Variants in ANHX observed in about 807,000 individuals in gnomAD.
ANHX encodes the protein anomalous homeobox protein.
ANHX carries 20 observed loss-of-function variants against 38.9 expected under a neutral mutation model. The observed-to-expected ratio is 0.51, with a 90% CI of 0.36 to 0.75. ANHX has a LOEUF of 0.75. Among genes scored for constraint, ANHX ranks in the 30% least tolerant of loss-of-function variants. The pLI, the probability that ANHX is intolerant of heterozygous loss-of-function variation, is 0.00. For synonymous variants in ANHX, 185 were observed against 203.1 expected (o/e 0.91, Z 0.76); for missense variants, 475 against 493.1 (o/e 0.96, Z 0.35).
chr12:133,227,201 CAG>C (rs1181875879), intron 4 of ANHX, 49 bp from the exon 5 acceptor site: 1 of 1,501,464 alleles, frequency 6.7e-7, no homozygotes, highest in Non-Finnish European at 8.9e-7. Context: ...TCCCTGAGGA[CAG>C]GGGGTGTGCA....
At chr12:133,223,290 A>G (rs1957137913) in intron 7 of ANHX, among the ~76,000 whole-genome samples, 1 of 152,152 alleles carries the variant, frequency 6.6e-6, no homozygotes, top group East Asian at 1.9e-4. Context: ...ACAAGATAAA[A>G]GGTAAGTTCT....
rs533562641 is a variant in ANHX at position 133,222,976 on chromosome 12, A to C, written c.1133-1624T>G. ...GAGGCCGAGGCAGGTGGATTACTTG[A>C]GATCAGGAGTTCGAGACCAGCCTGA... On this transcript the variant is annotated intron_variant, in intron 7 of 9. Transcript: ENST00000545940. Among the ~76,000 whole-genome samples the C allele has an allele frequency of 7.2e-5, 11 of 152,282 alleles. 1 individual carries two copies. Among genetic ancestry groups the C allele is most frequent in the African/African-American group, 2.6e-4 (11 of 41,560 alleles).
intron 2 of ANHX, among the ~76,000 whole-genome samples, chr12:133,232,190 A>T (rs192054733): frequency 5.7e-4 from 87 of 152,314 alleles, no homozygotes; most frequent in Middle Eastern, 6.8e-3. Context: ...ATCTAAGGTG[A>T]GGGGGATGAA....
Position 133,234,270 on chromosome 12 carries a change from GCA to G in ANHX, c.85_86del (p.Cys29ProfsTer6). On this transcript the variant is annotated frameshift_variant, in exon 2 of 10. Transcript: ENST00000545940. LOFTEE classifies it high-confidence loss of function. ...AELVTLAGRL[C>X]RDFQDDLAQL... ...GGGCAAGGTCATCCTGGAAGTCCCGGCACAGTCTGCCCGCAAGGGTCACCAGC... is the reference window on the plus strand; with the variant it reads ...GGGCAAGGTCATCCTGGAAGTCCCGGCAGTCTGCCCGCAAGGGTCACCAGC... 1 of 1,536,172 alleles carries G rather than the reference GCA, an allele frequency of 6.5e-7. No individual in the cohort carries two copies. The highest frequency in any genetic ancestry group is 8.7e-7 in the Non-Finnish European group (1 of 1,146,914).
chr12:133,226,537 T>A, intron 5 of ANHX, 99 bp from the exon 6 acceptor site: 2 of 1,421,732 alleles, frequency 1.4e-6, no homozygotes, highest in Non-Finnish European at 1.8e-6. Context: ...AAAAGGCTGT[T>A]GCCATGGGGC....
chr12:133,221,117 C>A lies in ANHX; in HGVS notation c.1280+88G>T. ...AAGGAGAGGACCCTATCTGCACAGT[C>A]CGGGACGGTGAGTCTATAAACTGGG... On this transcript the variant is annotated intron_variant, in intron 8 of 9. Coordinates refer to ENST00000545940, the MANE Select transcript of ANHX (RefSeq NM_001372060.1). The surrounding 1 kb of genome is among the most constrained non-coding windows in gnomAD (Gnocchi z 4.1). The A allele has an allele frequency of 6.8e-7, 1 of 1,471,102 alleles. No homozygotes were observed. Among genetic ancestry groups the A allele is most frequent in the Non-Finnish European group, 9.1e-7 (1 of 1,104,368 alleles). 91.1% of individuals were successfully genotyped at this position (1,471,102 alleles called of 1,614,324 possible).
chr12:133,226,025 G>A (rs1168758374), intron 6 of ANHX, among the ~76,000 whole-genome samples, 197 bp from the exon 7 acceptor site: 1 of 152,234 alleles, frequency 6.6e-6, no homozygotes, highest in East Asian at 1.9e-4. Flanking sequence ...TTGTCTTTAG[G>A]TGGCAGGGCT....
chr12:133,224,696 T>C (rs1380203568), intron 7 of ANHX, among the ~76,000 whole-genome samples: 3 of 140,256 alleles, frequency 2.1e-5, no homozygotes, highest in Non-Finnish European at 4.5e-5. Context: ...CTGGGCGTGG[T>C]GGCTCACGCC....
At chr12:133,234,016 C>T in intron 2 of ANHX, 92 bp downstream of exon 2, 1 of 1,463,376 alleles carries the variant, frequency 6.8e-7, no homozygotes, top group Non-Finnish European at 9.0e-7. Flanking sequence ...CCTACTAACT[C>T]CTGGGTACTG....
intron 7 of ANHX, among the ~76,000 whole-genome samples, chr12:133,222,547 C>G (rs147147384): frequency 2.7e-3 from 415 of 152,270 alleles, no homozygotes; most frequent in African/African-American, 9.2e-3. Flanking sequence ...TGTGAAGACA[C>G]CCATTGACCG....
rs150417765 is a variant in ANHX at position 133,234,246 on chromosome 12, G to A, written c.111C>T (p.Ala37=). 1 of 1,536,184 alleles carries A rather than the reference G, an allele frequency of 6.5e-7. No homozygotes were observed. Among genetic ancestry groups the A allele is most frequent in the African/African-American group, 1.4e-5 (1 of 73,180 alleles). The change falls in exon 2 of 10, where the codon GCC becomes GCT. Residue 37 remains alanine (A), a synonymous_variant. Transcript: ENST00000545940. ...RLCRDFQDDL[A]QLQPLVTAIL... Reference sequence around the variant, plus strand: ...TGGCTGTGACCAAAGGCTGCAGTTGGGCAAGGTCATCCTGGAAGTCCCGGC... The same window carrying A: ...TGGCTGTGACCAAAGGCTGCAGTTGAGCAAGGTCATCCTGGAAGTCCCGGC...
chr12:133,232,766 C>G (rs551740566), intron 2 of ANHX, among the ~76,000 whole-genome samples: 2 of 152,330 alleles, frequency 1.3e-5, no homozygotes, highest in East Asian at 3.9e-4. Context: ...TCTGCACTCT[C>G]TCGTTTGTTT....
intron 3 of ANHX, among the ~76,000 whole-genome samples, chr12:133,228,528 G>A (rs544615942): frequency 2.0e-5 from 3 of 152,164 alleles, no homozygotes; most frequent in South Asian, 4.1e-4. Flanking sequence ...TTCTCCCTTC[G>A]TCTCTCACCC....
chr12:133,220,257 G>A (rs997700871), intron 8 of ANHX, among the ~76,000 whole-genome samples: 2 of 152,174 alleles, frequency 1.3e-5, no homozygotes, highest in Non-Finnish European at 2.9e-5. Context: ...GATGTTTTCA[G>A]GTTGAAGCAT....
chr12:133,229,486 C>T (rs1014728385), intron 3 of ANHX, among the ~76,000 whole-genome samples: 3 of 152,118 alleles, frequency 2.0e-5, no homozygotes, highest in Non-Finnish European at 4.4e-5. Flanking sequence ...CCCACATAGG[C>T]CAAGAGCCCT....
rs1451204061 is a variant in ANHX, at chr12:133,224,928, C to G, written c.1132+608G>C. Among the ~76,000 whole-genome samples the G allele has an allele frequency of 2.7e-5, 4 of 147,324 alleles. No homozygotes were observed. In the South Asian group the frequency reaches 8.6e-4, roughly 32 times the overall value. ...GTTGCAGTGAGCCGAGATCACGCCA[C>G]TGCACTCCAGCCTGGGTGAGCAAGA... On this transcript the variant is annotated intron_variant, in intron 7 of 9. Transcript: ENST00000545940.
At chr12:133,224,309 G>A (rs1436079958) in intron 7 of ANHX, among the ~76,000 whole-genome samples, 1 of 152,072 alleles carries the variant, frequency 6.6e-6, no homozygotes, top group Admixed American at 6.6e-5. Flanking sequence ...GCATGGAGAA[G>A]CTCCAAGAAG....
At chr12:133,229,402 T>C (rs939566194) in intron 3 of ANHX, among the ~76,000 whole-genome samples, 1 of 152,068 alleles carries the variant, frequency 6.6e-6, no homozygotes, top group Non-Finnish European at 1.5e-5. Context: ...CCAAAAGAAC[T>C]CCATCCCCCC....
At chr12:133,227,251 G>A (rs1039817546) in intron 4 of ANHX, 99 bp from the exon 5 acceptor site, 40 of 1,309,074 alleles carry the variant, frequency 3.1e-5, no homozygotes, top group Non-Finnish European at 4.0e-5. Context: ...CAAGAAAGGG[G>A]GTGACAGCCC....
Sources: allele counts gnomAD v4.1 joint callset (sites outside exome capture counted in the v4.1 genomes callset), GRCh38; gene constraint gnomAD v4.1.1; non-coding constraint Gnocchi (gnomAD v3.1); transcripts MANE v1.5; gene names NCBI Gene and HGNC (gene_info 2026-07-23, HGNC 2026-07-21).